The following LINGO2 variants were observed in gnomAD, a reference collection of about 807,000 sequenced individuals.
The protein encoded by LINGO2 is leucine rich repeat and Ig domain containing 2.
LINGO2 carries 14 observed loss-of-function variants against 30.6 expected under a neutral mutation model. The ratio of observed to expected loss-of-function variants is 0.46; its 90% CI spans 0.30 to 0.72. LINGO2 has a LOEUF of 0.72. LINGO2 is among the 30% of genes least tolerant of loss of function. The pLI is 0.07. For missense variants in LINGO2, 729 were observed against 751.7 expected (o/e 0.97, Z 0.35); for synonymous variants, 317 against 288.5 (o/e 1.10, Z -1.00).
chr9:28,360,650 G>A (rs894118611), intron 3 of LINGO2, among the ~76,000 whole-genome samples: 4 of 152,140 alleles, frequency 2.6e-5, no homozygotes, highest in African/African-American at 4.8e-5. Context: ...ACCAAACCAT[G>A]TATATGCCAT....
the LINGO2 span, among the ~76,000 whole-genome samples, chr9:28,971,780 C>T: frequency 6.6e-6 from 1 of 152,222 alleles, no homozygotes; most frequent in African/African-American, 2.4e-5. Flanking sequence ...AGTTGTAGAG[C>T]TCCAGGACCT....
At chr9:28,438,518 C>T (rs1446083727) in intron 2 of LINGO2, among the ~76,000 whole-genome samples, 1 of 152,094 alleles carries the variant, frequency 6.6e-6, no homozygotes, top group Non-Finnish European at 1.5e-5. Flanking sequence ...CTGAATTATA[C>T]CACCAGCTTT....
the LINGO2 span, among the ~76,000 whole-genome samples, chr9:29,016,825 C>G: frequency 6.6e-6 from 1 of 152,126 alleles, no homozygotes; most frequent in East Asian, 1.9e-4. Context: ...GCCAAAAACT[C>G]AACGATTTAC....
chr9:28,170,178 A>G (rs1327858339), intron 4 of LINGO2, among the ~76,000 whole-genome samples: 1 of 152,194 alleles, frequency 6.6e-6, no homozygotes, highest in Non-Finnish European at 1.5e-5. Context: ...TAAATATGTG[A>G]GCTAGGAGAG....
the LINGO2 span, among the ~76,000 whole-genome samples, chr9:28,915,901 A>G: frequency 1.3e-5 from 2 of 152,188 alleles, no homozygotes; most frequent in African/African-American, 4.8e-5. Context: ...TAATGTCTCA[A>G]GATATCCTGT....
intron 2 of LINGO2, among the ~76,000 whole-genome samples, chr9:28,468,812 T>G (rs983381316): frequency 2.0e-5 from 3 of 152,182 alleles, no homozygotes; most frequent in Non-Finnish European, 2.9e-5. Context: ...TTAGTAAGTT[T>G]TCCCCTGCAC....
chr9:28,327,995 C>T (rs1005884044), intron 3 of LINGO2, among the ~76,000 whole-genome samples: 5 of 152,148 alleles, frequency 3.3e-5, no homozygotes, highest in African/African-American at 9.7e-5. Flanking sequence ...GCCAGGGGCC[C>T]AGACCCTCCT....
At chr9:29,003,119 A>G in the LINGO2 span, among the ~76,000 whole-genome samples, 1 of 152,088 alleles carries the variant, frequency 6.6e-6, no homozygotes, top group South Asian at 2.1e-4. Flanking sequence ...AAGAGTAAGG[A>G]ATGGAACAGA....
the LINGO2 span, among the ~76,000 whole-genome samples, chr9:29,119,663 A>G: frequency 7.4e-6 from 1 of 135,862 alleles, no homozygotes; most frequent in African/African-American, 2.8e-5. Context: ...TTGGCTCACT[A>G]CAACTTCCAC....
chr9:29,114,664 T>A, the LINGO2 span, among the ~76,000 whole-genome samples: 1 of 150,990 alleles, frequency 6.6e-6, no homozygotes, highest in Admixed American at 6.6e-5. Context: ...TTGGTTTTTT[T>A]GTCCTTGCGA....
At chr9:27,972,521 G>C (rs1820405612) in intron 5 of LINGO2, among the ~76,000 whole-genome samples, 4 of 152,168 alleles carry the variant, frequency 2.6e-5, no homozygotes, top group Admixed American at 2.6e-4. Flanking sequence ...CCACAGTGCA[G>C]AGTCTGGACT....
intron 2 of LINGO2, among the ~76,000 whole-genome samples, chr9:28,443,531 C>T (rs1824282900): frequency 6.6e-6 from 1 of 152,246 alleles, no homozygotes; most frequent in Admixed American, 6.5e-5. Flanking sequence ...GCTTGATGTG[C>T]CTGCTCCTGC....
chr9:28,620,595 G>T (rs1199517373), intron 1 of LINGO2, among the ~76,000 whole-genome samples: 1 of 152,020 alleles, frequency 6.6e-6, no homozygotes, highest in Non-Finnish European at 1.5e-5. Context: ...CAGTTTGCTA[G>T]ATGGGCTATT....
At chr9:29,039,387 G>T in the LINGO2 span, among the ~76,000 whole-genome samples, 1 of 152,084 alleles carries the variant, frequency 6.6e-6, no homozygotes, top group African/African-American at 2.4e-5. Context: ...GAAGCTTGTT[G>T]TTCTCTTGTG....
At chr9:29,172,087 G>T in the LINGO2 span, among the ~76,000 whole-genome samples, 1 of 151,836 alleles carries the variant, frequency 6.6e-6, no homozygotes, top group Non-Finnish European at 1.5e-5. Flanking sequence ...TCTCTTTATG[G>T]ACTATGTCTA....
At chr9:29,112,838 T>C in the LINGO2 span, among the ~76,000 whole-genome samples, 2 of 152,184 alleles carry the variant, frequency 1.3e-5, no homozygotes, top group African/African-American at 4.8e-5. Context: ...CACTCATATA[T>C]TATTCACTCT....
the LINGO2 span, among the ~76,000 whole-genome samples, chr9:28,993,364 G>A: frequency 2.0e-5 from 3 of 152,108 alleles, no homozygotes; most frequent in South Asian, 6.2e-4. Context: ...TGAAATTGTG[G>A]CAATAATCAA....
chr9:29,137,428 A>T, the LINGO2 span, among the ~76,000 whole-genome samples: 2 of 152,178 alleles, frequency 1.3e-5, no homozygotes, highest in African/African-American at 4.8e-5. Context: ...AAAGTAAACT[A>T]AATCAAAGGT....
rs992681129 is a variant in LINGO2 at position 28,124,468 on chromosome 9, T to C, written c.-86-112063A>G. 5.9e-5 allele frequency among the ~76,000 whole-genome samples: 9 copies of C among 152,346 alleles called. No homozygotes were observed. In the South Asian group the frequency reaches 1.7e-3, roughly 28 times the overall value. Reference sequence around the variant, plus strand: ...CTCAATCACAGACATATCACATTTATAATGATGCATATTATACCATCTGTA... The same window carrying C: ...CTCAATCACAGACATATCACATTTACAATGATGCATATTATACCATCTGTA... On this transcript the variant is annotated intron_variant, in intron 4 of 5. Coordinates refer to ENST00000379992, the Ensembl canonical transcript of LINGO2.
Sources: gnomAD v4.1 joint callset for allele counts (sites outside exome capture counted in the v4.1 genomes callset) on GRCh38, gnomAD v4.1.1 for gene constraint, MANE v1.5 for transcripts, NCBI Gene and HGNC (gene_info 2026-07-23, HGNC 2026-07-21) for gene names.